The following FRK variants were observed in gnomAD, a reference collection of about 807,000 sequenced individuals.
The protein encoded by FRK is tyrosine-protein kinase FRK.
In FRK, 51 loss-of-function variants were observed where a neutral mutation model predicts 56.4. The ratio of observed to expected loss-of-function variants is 0.90; its 90% CI spans 0.72 to 1.14. FRK has a LOEUF of 1.14. FRK is among the 50% of genes most tolerant of loss of function. The pLI, the probability that FRK is intolerant of heterozygous loss-of-function variation, is 0.00. For missense variants in FRK, 570 were observed against 601.4 expected, an observed-to-expected ratio of 0.95 and a Z score of 0.55; for synonymous variants, 245 against 217.9, an observed-to-expected ratio of 1.12 and a Z score of -1.10.
At chr6:115,944,187 C>T in intron 6 of FRK, 57 bp downstream of exon 6, 1 of 1,387,508 alleles carries the variant, frequency 7.2e-7, no homozygotes, top group Non-Finnish European at 1.0e-6. Context: ...TATTGGTCTA[C>T]TAACTGTTAG....
At chr6:115,954,548 C>T (rs1459035378) in intron 5 of FRK, among the ~76,000 whole-genome samples, 1 of 152,020 alleles carries the variant, frequency 6.6e-6, no homozygotes, top group Non-Finnish European at 1.5e-5. Flanking sequence ...AGAGATGATG[C>T]CAAGGTATTA....
chr6:116,068,678 AC>A, the FRK span, among the ~76,000 whole-genome samples: 1 of 152,108 alleles, frequency 6.6e-6, no homozygotes, highest in South Asian at 2.1e-4. Flanking sequence ...TCTCTCCTAA[AC>A]AGAAGGTGTG....
At chr6:116,055,052 C>T (rs528586967) in intron 1 of FRK, among the ~76,000 whole-genome samples, 3 of 152,136 alleles carry the variant, frequency 2.0e-5, no homozygotes, top group African/African-American at 7.2e-5. Flanking sequence ...TTAAATTCCA[C>T]AGCATTCAAA....
At chr6:115,957,332 C>G (rs1310237104) in intron 4 of FRK, among the ~76,000 whole-genome samples, 1 of 152,200 alleles carries the variant, frequency 6.6e-6, no homozygotes, top group Non-Finnish European at 1.5e-5. Context: ...TCTGACTCAT[C>G]ATGCAAGGTG....
At chr6:115,942,674 G>A (rs1210299192) in intron 7 of FRK, 49 bp from the exon 8 acceptor site, 1 of 1,501,056 alleles carries the variant, frequency 6.7e-7, no homozygotes, top group South Asian at 1.1e-5. Context: ...ACAAGTTAAA[G>A]GTCAGAGTCT....
intron 1 of FRK, chr6:116,039,183 C>T (rs1231262797): frequency 1.6e-5 from 21 of 1,286,938 alleles, no homozygotes; most frequent in East Asian, 2.3e-5. Flanking sequence ...AGTTTGTTTT[C>T]GAGAAGAAAG....
the FRK span, among the ~76,000 whole-genome samples, chr6:116,076,727 G>T: frequency 6.6e-6 from 1 of 152,206 alleles, no homozygotes; most frequent in African/African-American, 2.4e-5. Context: ...AGGTGGTGCA[G>T]TGAGCTGGCT....
chr6:115,957,418 ATCTTT>A (rs1232715521), intron 4 of FRK, among the ~76,000 whole-genome samples: 2 of 152,222 alleles, frequency 1.3e-5, no homozygotes, highest in African/African-American at 4.8e-5. Flanking sequence ...TAATTTTAAA[ATCTTT>A]TCTTTTAGAA....
chr6:116,003,750 A>T, intron 2 of FRK, 127 bp downstream of exon 2: 4 of 945,998 alleles, frequency 4.2e-6, no homozygotes, highest in Non-Finnish European at 6.3e-6. Flanking sequence ...GTTTAGTATT[A>T]ATTTTGGTGC....
At chr6:116,000,219 CTTTCTTTTTTTTTTTTTTTTTTTT>C (rs1775001579) in intron 2 of FRK, among the ~76,000 whole-genome samples, 1 of 53,364 alleles carries the variant, frequency 1.9e-5, no homozygotes, top group African/African-American at 9.2e-5. Context: ...AAATATCATT[CTTTCTTTTTTTTTTTTTTTTTTTT>C]TTTTTTTTTT....
At position 115,951,106 on chromosome 6, in the gene FRK, T is replaced by A. The variant is rs376517153; in HGVS notation, c.958+5346A>T. Among the ~76,000 whole-genome samples, 40 of 152,280 alleles carry A rather than the reference T, an allele frequency of 2.6e-4. No individual in the cohort carries two copies. The South Asian group carries it at 7.7e-3, about 29-fold the overall frequency. On this transcript the variant is annotated intron_variant, in intron 5 of 7. Transcript: ENST00000606080. ...ATGGGAGCAGCAAAGCACCATTGCA[T>A]GTGTATACCTATGTAACAGAACTGC...
At chr6:115,971,902 A>T (rs1375484790) in intron 2 of FRK, among the ~76,000 whole-genome samples, 1 of 152,154 alleles carries the variant, frequency 6.6e-6, no homozygotes, top group Non-Finnish European at 1.5e-5. Context: ...CATCCAGACT[A>T]AGAGCAGAGA....
At chr6:115,995,525 T>G (rs1774803408) in intron 2 of FRK, among the ~76,000 whole-genome samples, 1 of 152,046 alleles carries the variant, frequency 6.6e-6, no homozygotes, top group Non-Finnish European at 1.5e-5. Context: ...CAAAAAATCT[T>G]TTTAACAAAC....
chr6:116,004,390 C>G (rs1172184242), intron 1 of FRK, among the ~76,000 whole-genome samples: 2 of 152,170 alleles, frequency 1.3e-5, no homozygotes, highest in African/African-American at 4.8e-5. Flanking sequence ...CTTCCCCTAA[C>G]ACCTCTGAGC....
Position 116,052,848 on chromosome 6 carries a change from G to T in FRK, c.344+7120C>A, listed in dbSNP as rs530917301. Among the ~76,000 whole-genome samples the T allele has an allele frequency of 4.6e-5, 7 of 152,210 alleles. No individual in the cohort carries two copies. In the South Asian group the frequency reaches 1.4e-3, roughly 32 times the overall value. ...AATATTGTGAGCTCAGACTAGAGTG[G>T]GGGTGTAAAGTATGATCCATTTAGA... On this transcript the variant is annotated intron_variant, in intron 1 of 7. Coordinates refer to ENST00000606080, the MANE Select transcript of FRK (RefSeq NM_002031.3).
chr6:116,092,525 G>A, the FRK span, among the ~76,000 whole-genome samples: 3 of 152,150 alleles, frequency 2.0e-5, no homozygotes, highest in African/African-American at 7.2e-5. Context: ...TGTGGTCTAG[G>A]AGGACAGGCA....
intron 1 of FRK, among the ~76,000 whole-genome samples, chr6:116,049,953 C>G (rs745316305): frequency 1.3e-5 from 2 of 152,180 alleles, no homozygotes; most frequent in Non-Finnish European, 2.9e-5. Flanking sequence ...GGACTGATCT[C>G]TTCTATCTCT....
At chr6:116,094,011 C>T in the FRK span, among the ~76,000 whole-genome samples, 2 of 152,118 alleles carry the variant, frequency 1.3e-5, no homozygotes, top group Non-Finnish European at 2.9e-5. Context: ...AGAGAAAGGC[C>T]GCAGCCTTAG....
chr6:115,958,645 A>AAAGAAAGAAAGAAAG (rs1773123814), intron 4 of FRK, among the ~76,000 whole-genome samples: 3 of 1,774 alleles, frequency 1.7e-3, no homozygotes, highest in African/African-American at 6.3e-3. Flanking sequence ...GAAAGAAAGA[A>AAAGAAAGAAAGAAAG]AAGAAAGAAA....
Sources: gnomAD v4.1 joint callset for allele counts (sites outside exome capture counted in the v4.1 genomes callset) on GRCh38, gnomAD v4.1.1 for gene constraint, MANE v1.5 for transcripts, NCBI Gene and HGNC (gene_info 2026-07-23, HGNC 2026-07-21) for gene names.